Variants in CLPB observed in about 807,000 individuals in gnomAD.
CLPB encodes the protein mitochondrial disaggregase.
A neutral mutation model predicts 78.4 loss-of-function variants in CLPB; 40 were observed. The observed-to-expected ratio is 0.51, with a 90% CI of 0.40 to 0.66. The LOEUF (loss-of-function observed/expected upper bound fraction) is 0.66, where lower values mean the gene tolerates loss of function less well. CLPB is among the 30% of genes least tolerant of loss of function. The pLI is 0.00. For missense variants in CLPB, 780 were observed against 886.9 expected, an observed-to-expected ratio of 0.88 and a Z score of 1.53; for synonymous variants, 333 against 348.0, an observed-to-expected ratio of 0.96 and a Z score of 0.48.
chr11:72,347,001 A>AC, intron 5 of CLPB, among the ~76,000 whole-genome samples: 1 of 150,986 alleles, frequency 6.6e-6, no homozygotes, highest in Middle Eastern at 3.4e-3. Context: ...AAAAAAAAAA[A>AC]AAAAAAAAAG....
At chr11:72,318,020 A>G (rs996524711) in intron 6 of CLPB, among the ~76,000 whole-genome samples, 1 of 152,254 alleles carries the variant, frequency 6.6e-6, no homozygotes. Context: ...ATTTTCCTCA[A>G]GGGTCCAAAG....
chr11:72,427,600 A>G (rs1168468872), intron 2 of CLPB, among the ~76,000 whole-genome samples: 1 of 152,250 alleles, frequency 6.6e-6, no homozygotes, highest in Non-Finnish European at 1.5e-5. Context: ...GTCTAGATAC[A>G]TAAATACTTA....
intron 9 of CLPB, chr11:72,302,828 A>C (rs1232106416): frequency 1.3e-5 from 2 of 158,324 alleles, no homozygotes; most frequent in East Asian, 3.6e-4. Context: ...AGAAACACTC[A>C]GATGGCTCCA....
chr11:72,293,561 G>T lies in CLPB; in HGVS notation c.1840C>A (p.Pro614Thr). 2 of 1,614,042 alleles carry T rather than the reference G, an allele frequency of 1.2e-6. No homozygotes were observed. The highest frequency in any genetic ancestry group is 1.7e-6 in the Non-Finnish European group (2 of 1,179,980). Reference sequence around the variant, plus strand: ...GTGATGCGCAAAGTACAGCCCCCTGGCAGCAGGTCCTGCTCATAGGCTGCT... The same window carrying T: ...GTGATGCGCAAAGTACAGCCCCCTGTCAGCAGGTCCTGCTCATAGGCTGCT... ...LAAAYEQDLL[P>T]GGCTLRITVE... The change falls in exon 16 of 16, where the codon CCA (proline) becomes ACA (threonine). Residue 614 changes from proline (P) to threonine (T), a missense_variant. Transcript: ENST00000538039.
In CLPB at chr11:72,312,391, A is replaced by T. The variant is rs985512358; in HGVS notation, c.989-3787T>A. On this transcript the variant is annotated intron_variant, in intron 7 of 15. Transcript: ENST00000538039. The surrounding 1 kb of genome is among the most constrained non-coding windows in gnomAD (Gnocchi z 4.2). ...CATTTTACACAGGATACCGAGGCTC[A>T]GAGACGGGCAGTGTAAGGTGTTTCA... Among the ~76,000 whole-genome samples, 1 of 152,190 alleles carries T rather than the reference A, an allele frequency of 6.6e-6. No homozygotes were observed. The highest frequency in any genetic ancestry group is 2.4e-5 in the African/African-American group (1 of 41,442).
At chr11:72,356,210 G>A (rs1950710703) in intron 5 of CLPB, among the ~76,000 whole-genome samples, 1 of 151,868 alleles carries the variant, frequency 6.6e-6, no homozygotes, top group Non-Finnish European at 1.5e-5. Context: ...GCTTGAAGGC[G>A]GAGGTTGTGG....
rs528687699 is a variant in CLPB at position 72,320,824 on chromosome 11, T to C, written c.874-3604A>G. The stretch of plus-strand genomic sequence containing the variant: ...GTCTCCTGGGTTCAAGCAATTCTCC[T>C]GCCTCAGCCTCCCAAGTAGCTGGGA... On this transcript the variant is annotated intron_variant, in intron 6 of 15. Coordinates refer to ENST00000538039, the MANE Select transcript of CLPB (RefSeq NM_001258392.3). 5.5e-4 allele frequency among the ~76,000 whole-genome samples: 83 copies of C among 152,288 alleles called. No homozygotes were observed. The East Asian group carries it at 0.015, about 27-fold the overall frequency.
chr11:72,399,160 T>C (rs1472520514), intron 3 of CLPB, among the ~76,000 whole-genome samples: 2 of 151,726 alleles, frequency 1.3e-5, no homozygotes, highest in African/African-American at 2.4e-5. Context: ...TAATACTCAA[T>C]TTCCCTAATT....
At chr11:72,395,617 T>G (rs1406924277) in intron 3 of CLPB, among the ~76,000 whole-genome samples, 1 of 152,256 alleles carries the variant, frequency 6.6e-6, no homozygotes, top group Admixed American at 6.5e-5. Flanking sequence ...ACTGCCATCA[T>G]CATTACTACA....
intron 5 of CLPB, among the ~76,000 whole-genome samples, chr11:72,338,115 G>C (rs1000148309): frequency 6.6e-6 from 1 of 152,190 alleles, no homozygotes; most frequent in Non-Finnish European, 1.5e-5. Flanking sequence ...TTGCCCTTGA[G>C]CAGAACTCAG....
At chr11:72,307,598 T>A (rs1289823249) in intron 8 of CLPB, among the ~76,000 whole-genome samples, 1 of 152,194 alleles carries the variant, frequency 6.6e-6, no homozygotes, top group East Asian at 1.9e-4. Context: ...TCCCCAGGCC[T>A]CCTGGCTCAC....
intron 2 of CLPB, among the ~76,000 whole-genome samples, chr11:72,415,680 A>G (rs1246305000): frequency 6.6e-6 from 1 of 152,180 alleles, no homozygotes; most frequent in African/African-American, 2.4e-5. Context: ...AACAAATCCA[A>G]TCAAAGGGTT....
chr11:72,338,784 G>A (rs1407251205), intron 5 of CLPB, among the ~76,000 whole-genome samples: 3 of 152,224 alleles, frequency 2.0e-5, no homozygotes, highest in African/African-American at 7.2e-5. Context: ...ATGATCACTA[G>A]GCATCAGGAT....
At chr11:72,361,972 G>A (rs746598322) in intron 4 of CLPB, among the ~76,000 whole-genome samples, 108 of 152,160 alleles carry the variant, frequency 7.1e-4, no homozygotes, top group Admixed American at 2.3e-3. Context: ...ACACAGCTGG[G>A]GCTATTTTGG....
In CLPB at chr11:72,422,290, A is replaced by C. The variant is rs1160262176; in HGVS notation, c.455+8022T>G. On this transcript the variant is annotated intron_variant, in intron 2 of 15. Transcript: ENST00000538039. ...CAAAAAAAAAAAAAAAAAAAAAAAA[A>C]ACTAGGGAACTGTATTTAAAAGGTC... Among the ~76,000 whole-genome samples, 6 of 151,406 alleles carry C rather than the reference A, an allele frequency of 4.0e-5. No individual in the cohort carries two copies. In the South Asian group the frequency reaches 1.0e-3, roughly 26 times the overall value.
intron 2 of CLPB, among the ~76,000 whole-genome samples, chr11:72,427,012 A>C (rs1314643245): frequency 2.6e-5 from 4 of 152,250 alleles, no homozygotes; most frequent in Non-Finnish European, 5.9e-5. Flanking sequence ...GATCACACCC[A>C]GCTGGGAGGA....
At chr11:72,429,436 A>G (rs1459061361) in intron 2 of CLPB, among the ~76,000 whole-genome samples, 2 of 152,156 alleles carry the variant, frequency 1.3e-5, no homozygotes, top group African/African-American at 4.8e-5. Context: ...TAAGGTGGGG[A>G]AGAACACCAA....
chr11:72,299,540 C>T (rs1949616558), intron 11 of CLPB, among the ~76,000 whole-genome samples: 1 of 149,628 alleles, frequency 6.7e-6, no homozygotes, highest in Non-Finnish European at 1.5e-5. Context: ...ATGCCCTGTA[C>T]TTTTATACAT....
intron 9 of CLPB, among the ~76,000 whole-genome samples, chr11:72,303,555 G>A (rs1357322952): frequency 6.6e-6 from 1 of 152,216 alleles, no homozygotes. Context: ...CTGTGTTACA[G>A]AAGGCTCTTG....
Sources: allele counts gnomAD v4.1 joint callset (sites outside exome capture counted in the v4.1 genomes callset), GRCh38; gene constraint gnomAD v4.1.1; non-coding constraint Gnocchi (gnomAD v3.1); transcripts MANE v1.5; gene names NCBI Gene and HGNC (gene_info 2026-07-23, HGNC 2026-07-21).